INPP5K: variants seen among roughly 807,000 people sequenced by gnomAD.
INPP5K encodes the protein inositol polyphosphate 5-phosphatase K.
In INPP5K, 35 loss-of-function variants were observed where a neutral mutation model predicts 53.5. The ratio of observed to expected loss-of-function variants is 0.65; its 90% confidence interval spans 0.50 to 0.87. INPP5K has a LOEUF of 0.87. Among genes scored for constraint, INPP5K ranks in the 40% least tolerant of loss-of-function variants. The pLI is 0.00. For synonymous variants in INPP5K, 253 were observed against 232.8 expected, an observed-to-expected ratio of 1.09 and a Z score of -0.79; for missense variants, 550 against 586.2, an observed-to-expected ratio of 0.94 and a Z score of 0.64.
chr17:1,513,843 G>A (rs766708795), intron 2 of INPP5K, 29 bp downstream of exon 2: 2 of 1,522,770 alleles, frequency 1.3e-6, no homozygotes, highest in East Asian at 2.3e-5. Flanking sequence ...ACTGGTCAGG[G>A]ATGGGCGAAG....
At chr17:1,515,615 G>A (rs2075416036) in intron 1 of INPP5K, 1 of 984,924 alleles carries the variant, frequency 1.0e-6, no homozygotes, top group Non-Finnish European at 1.2e-6. Flanking sequence ...AGGGGGATGG[G>A]AGAAAAGGGC....
rs1598397913 is a variant in INPP5K, at chr17:1,516,563, C to G, written c.-64G>C. 3.4e-6 allele frequency: 5 copies of G among 1,479,208 alleles called. No individual in the cohort carries two copies. The East Asian group carries it at 1.4e-4, about 40-fold the overall frequency. 91.6% of individuals were successfully genotyped at this position (1,479,208 alleles called of 1,614,324 possible). On this transcript the variant is annotated 5_prime_UTR_variant, in exon 1 of 12. Coordinates refer to ENST00000421807, the MANE Select transcript of INPP5K (RefSeq NM_016532.4). Reference sequence around the variant, plus strand: ...CGTCTCCCGGCCAGCGGGTCCCGGCCAGAGCAGCCCTGCGGGCGGCCGGTC... The same window carrying G: ...CGTCTCCCGGCCAGCGGGTCCCGGCGAGAGCAGCCCTGCGGGCGGCCGGTC...
At chr17:1,507,140 C>T (rs2075178470) in intron 6 of INPP5K, 51 bp from the exon 7 acceptor site, 1 of 1,377,148 alleles carries the variant, frequency 7.3e-7, no homozygotes, top group African/African-American at 1.4e-5. Context: ...ACCCAGTGGC[C>T]CAGTACCACA....
At chr17:1,500,608 G>A (rs887164885) in intron 7 of INPP5K, among the ~76,000 whole-genome samples, 27 of 152,158 alleles carry the variant, frequency 1.8e-4, no homozygotes, top group African/African-American at 6.3e-4. Flanking sequence ...CTCGTGATCT[G>A]CTCGCCTTGG....
chr17:1,499,744 GGT>G, intron 7 of INPP5K, among the ~76,000 whole-genome samples: 1 of 152,104 alleles, frequency 6.6e-6, no homozygotes, highest in East Asian at 1.9e-4. Flanking sequence ...CTGGAGGTGG[GGT>G]GTGTGTGTGG....
At chr17:1,509,623 C>T in intron 4 of INPP5K, 60 bp downstream of exon 4, 1 of 1,146,408 alleles carries the variant, frequency 8.7e-7, no homozygotes, top group South Asian at 1.2e-5. Flanking sequence ...TTTCTTTTGC[C>T]CAGCTCCACA....
At chr17:1,510,649 C>G (rs1216895518) in intron 3 of INPP5K, 1 of 152,190 alleles carries the variant, frequency 6.6e-6, no homozygotes, top group Non-Finnish European at 1.5e-5. Context: ...TACTTAGAGA[C>G]AGGATTTCGC....
chr17:1,503,309 G>A (rs1471084060), intron 7 of INPP5K, among the ~76,000 whole-genome samples: 2 of 150,104 alleles, frequency 1.3e-5, no homozygotes, highest in African/African-American at 2.5e-5. Flanking sequence ...TCAGCCTCCC[G>A]AGTAGCTGGG....
rs760614205 is a variant in INPP5K, at chr17:1,508,083, T to C, written c.666+32A>G. On this transcript the variant is annotated intron_variant, in intron 6 of 11. Coordinates refer to ENST00000421807, the MANE Select transcript of INPP5K (RefSeq NM_016532.4). ...ACATGGCCCCCACCGTGGGCTCAGATCACCCCCTGGGACCCTCCCCTCACT... is the reference window on the plus strand; with the variant it reads ...ACATGGCCCCCACCGTGGGCTCAGACCACCCCCTGGGACCCTCCCCTCACT... 6 of 1,476,736 alleles carry C rather than the reference T, an allele frequency of 4.1e-6. No individual in the cohort carries two copies. In the South Asian group the frequency reaches 5.7e-5, roughly 14 times the overall value. 91.5% of individuals were successfully genotyped at this position (1,476,736 alleles called of 1,614,324 possible).
At chr17:1,508,425 C>T (rs1038707386) in intron 5 of INPP5K, 199 bp from the exon 6 acceptor site, 2 of 573,334 alleles carry the variant, frequency 3.5e-6, no homozygotes, top group African/African-American at 3.8e-5. Flanking sequence ...GAGAGACCTA[C>T]CAAAGAGCCT....
intron 7 of INPP5K, among the ~76,000 whole-genome samples, chr17:1,498,496 C>G (rs541409041): frequency 6.6e-6 from 1 of 152,308 alleles, no homozygotes; most frequent in South Asian, 2.1e-4. Context: ...TTGTATTTGG[C>G]TGCCCTGCAT....
Position 1,495,438 on chromosome 17 carries a change from A to C in INPP5K, c.*385T>G, listed in dbSNP as rs954172527. 13 of 218,366 alleles carry C rather than the reference A, an allele frequency of 6.0e-5. No homozygotes were observed. Among genetic ancestry groups the C allele is most frequent in the Admixed American group, 1.1e-4 (2 of 18,456 alleles). 13.5% of individuals were successfully genotyped at this position (218,366 alleles called of 1,614,324 possible). On this transcript the variant is annotated 3_prime_UTR_variant, in exon 12 of 12. Coordinates refer to ENST00000421807, the MANE Select transcript of INPP5K (RefSeq NM_016532.4). Reference sequence around the variant, plus strand: ...AATGTGAGCATCTCCCCTCCCAGACAGCCTGAGGCCCAGGACGGCACGACA... The same window carrying C: ...AATGTGAGCATCTCCCCTCCCAGACCGCCTGAGGCCCAGGACGGCACGACA...
chr17:1,504,089 C>T (rs1227208905), intron 7 of INPP5K, among the ~76,000 whole-genome samples: 30 of 152,220 alleles, frequency 2.0e-4, no homozygotes, highest in South Asian at 2.1e-4. Context: ...TTTGCTCCAA[C>T]CTTCTGCACG....
Position 1,508,114 on chromosome 17 carries a change from C to A in INPP5K, c.666+1G>T, listed in dbSNP as rs978981933. ...CCTGGGACCCTCCCCTCACTGGATA[C>A]CTGGTCCTTCTCCCACAGGCCACCG... On this transcript the variant is annotated splice_donor_variant, in intron 6 of 11. Coordinates refer to ENST00000421807, the MANE Select transcript of INPP5K (RefSeq NM_016532.4). LOFTEE classifies it high-confidence loss of function. The A allele has an allele frequency of 1.2e-6, 2 of 1,608,362 alleles. No homozygotes were observed. The highest frequency in any genetic ancestry group is 2.7e-5 in the African/African-American group (2 of 74,782).
chr17:1,509,912 C>T, intron 3 of INPP5K, 113 bp from the exon 4 acceptor site: 2 of 657,172 alleles, frequency 3.0e-6, no homozygotes, highest in South Asian at 1.9e-5. Context: ...CAGTGTCCTG[C>T]TCCAGGGTCT....
intron 7 of INPP5K, among the ~76,000 whole-genome samples, chr17:1,504,145 T>A (rs1239682801): frequency 6.6e-6 from 1 of 152,214 alleles, no homozygotes. Context: ...CTTGGTAACA[T>A]ATGCCAGGTA....
chr17:1,515,776 G>C, intron 1 of INPP5K: 1 of 634,736 alleles, frequency 1.6e-6, no homozygotes, highest in Non-Finnish European at 2.0e-6. Flanking sequence ...CACCTTCCCA[G>C]GCACTCGGCC....
At chr17:1,501,001 C>T (rs1234839048) in intron 7 of INPP5K, among the ~76,000 whole-genome samples, 2 of 150,542 alleles carry the variant, frequency 1.3e-5, no homozygotes, top group Non-Finnish European at 2.9e-5. Flanking sequence ...CGCTATCGCC[C>T]AGGCTGGAGT....
intron 8 of INPP5K, 167 bp downstream of exon 8, chr17:1,497,759 AGCCATCAACG>A: frequency 3.3e-6 from 2 of 599,038 alleles, no homozygotes; most frequent in South Asian, 4.4e-5. Context: ...TGACAGACAG[AGCCATCAACG>A]GCTCCTAAGA....
Sources: gnomAD v4.1 joint callset for allele counts (sites outside exome capture counted in the v4.1 genomes callset) on GRCh38, gnomAD v4.1.1 for gene constraint, MANE v1.5 for transcripts, NCBI Gene and HGNC (gene_info 2026-07-23, HGNC 2026-07-21) for gene names.